RUNX1: variants seen among roughly 807,000 people sequenced by gnomAD.
RUNX1 encodes RUNX family transcription factor 1, also known as runt-related transcription factor 1.
Under a neutral mutation model 42.8 loss-of-function variants are expected in RUNX1, and 19 were observed. The observed-to-expected ratio is 0.44, with a 90% CI of 0.31 to 0.65. The LOEUF (loss-of-function observed/expected upper bound fraction) is 0.65, where lower values mean the gene tolerates loss of function less well. Among genes scored for constraint, RUNX1 ranks in the 30% least tolerant of loss-of-function variants. The probability of loss-of-function intolerance (pLI) is 0.07; values close to 1 mark genes in which losing one functional copy is unlikely to be tolerated. For synonymous variants in RUNX1, 271 were observed against 289.4 expected (o/e 0.94, Z 0.64); for missense variants, 528 against 672.0 (o/e 0.79, Z 2.37).
rs1306191380 is a variant in RUNX1 at position 34,901,844 on chromosome 21, A to G, written c.59-8881T>C. 6.6e-6 allele frequency among the ~76,000 whole-genome samples: 1 copy of G among 152,190 alleles called. No individual in the cohort carries two copies. The highest frequency in any genetic ancestry group is 1.5e-5 in the Non-Finnish European group (1 of 68,026). On this transcript the variant is annotated intron_variant, in intron 2 of 8. Transcript: ENST00000675419. This position sits in a 1 kb window ranked among gnomAD's most constrained non-coding sequence, Gnocchi z 4.3. ...GGGAGGGGAGTTTAGGGACTTGTCC[A>G]TGGCTTTCAGTTCCCTAATTGGCGA...
At chr21:34,947,495 C>T (rs189569040) in intron 2 of RUNX1, among the ~76,000 whole-genome samples, 42 of 152,238 alleles carry the variant, frequency 2.8e-4, no homozygotes, top group Admixed American at 2.7e-3. Flanking sequence ...TGTGAATATG[C>T]TACAACTTAA....
intron 2 of RUNX1, among the ~76,000 whole-genome samples, chr21:35,034,607 TGAG>T (rs2059294298): frequency 6.6e-6 from 1 of 152,188 alleles, no homozygotes; most frequent in African/African-American, 2.4e-5. Flanking sequence ...TGTGGCAACA[TGAG>T]GAGGGAAGGG....
intron 4 of RUNX1, among the ~76,000 whole-genome samples, chr21:34,885,781 G>C (rs980876672): frequency 1.3e-5 from 2 of 152,038 alleles, no homozygotes; most frequent in Non-Finnish European, 2.9e-5. Context: ...CTTTACACTT[G>C]GAACCACCTG....
At chr21:34,864,751 T>G (rs1202723484) in intron 5 of RUNX1, among the ~76,000 whole-genome samples, 1 of 152,202 alleles carries the variant, frequency 6.6e-6, no homozygotes, top group Non-Finnish European at 1.5e-5. Context: ...AGCCAGGGCT[T>G]GGGTTCCAGG....
chr21:34,888,440 C>T, intron 3 of RUNX1: 1 of 1,066,736 alleles, frequency 9.4e-7, no homozygotes, highest in Non-Finnish European at 1.1e-6. Context: ...AGTTCGCAGC[C>T]AGGAAAGAAG....
chr21:35,040,225 G>A (rs973820835), intron 2 of RUNX1, among the ~76,000 whole-genome samples: 1 of 152,194 alleles, frequency 6.6e-6, no homozygotes, highest in Admixed American at 6.5e-5. Context: ...AGTGCACAGA[G>A]TTCAAAGTGC....
intron 5 of RUNX1, among the ~76,000 whole-genome samples, chr21:34,871,832 C>T (rs368736173): frequency 1.4e-5 from 2 of 147,894 alleles, no homozygotes; most frequent in South Asian, 2.1e-4. Context: ...CACACCAAGA[C>T]CTTGCTTTTA....
intron 2 of RUNX1, among the ~76,000 whole-genome samples, chr21:35,044,529 G>T (rs1467394100): frequency 6.6e-6 from 1 of 152,152 alleles, no homozygotes; most frequent in Non-Finnish European, 1.5e-5. Flanking sequence ...GGAAACTAAG[G>T]CTCAAGAGAG....
chr21:34,883,530 T>G (rs2057937091), intron 4 of RUNX1, among the ~76,000 whole-genome samples: 1 of 152,072 alleles, frequency 6.6e-6, no homozygotes, highest in Non-Finnish European at 1.5e-5. Flanking sequence ...AATATCTAAC[T>G]TCAAACAGAA....
Position 34,898,288 on chromosome 21 carries a change from G to A in RUNX1, c.59-5325C>T, listed in dbSNP as rs774689591. On this transcript the variant is annotated intron_variant, in intron 2 of 8. Coordinates refer to ENST00000675419, the MANE Select transcript of RUNX1 (RefSeq NM_001754.5). ...TCTAGTACAGCACCACCAGATTTCC[G>A]ACCTGCAGAACTGTGGGCTAAATTT... is the stretch of plus-strand genomic sequence containing the variant. 2.5e-4 allele frequency among the ~76,000 whole-genome samples: 38 copies of A among 152,130 alleles called. 1 individual carries two copies. Among genetic ancestry groups the A allele is most frequent in the Admixed American group, 1.9e-3 (29 of 15,272 alleles).
chr21:34,835,390 C>T (rs1410565543), intron 6 of RUNX1, among the ~76,000 whole-genome samples: 1 of 152,012 alleles, frequency 6.6e-6, no homozygotes, highest in Non-Finnish European at 1.5e-5. Context: ...GGGCTCAGGA[C>T]TGGTGGGATG....
At position 34,916,825 on chromosome 21, in the gene RUNX1, G is replaced by A. The variant is rs577011919; in HGVS notation, c.59-23862C>T. 1.3e-4 allele frequency among the ~76,000 whole-genome samples: 20 copies of A among 152,248 alleles called. No homozygotes were observed. In the South Asian group the frequency reaches 2.3e-3, roughly 17 times the overall value. The stretch of plus-strand genomic sequence containing the variant: ...GGAAGGGAGGCCAGCCCTGGGTCGC[G>A]GCGGCATTTTCTGAGCTGCCAGGTC... On this transcript the variant is annotated intron_variant, in intron 2 of 8. Transcript: ENST00000675419.
chr21:35,004,924 A>T (rs7282535), intron 2 of RUNX1, among the ~76,000 whole-genome samples: 18,043 of 152,118 alleles, frequency 0.12, 1,146 homozygotes, highest in Middle Eastern at 0.17. Context: ...TCTTATCAGC[A>T]GGGGACTTTG....
intron 2 of RUNX1, among the ~76,000 whole-genome samples, chr21:35,015,400 G>A (rs2059152336): frequency 6.6e-6 from 1 of 152,212 alleles, no homozygotes; most frequent in Non-Finnish European, 1.5e-5. Context: ...AGAAGCTCTT[G>A]AGCATATTTA....
At chr21:34,805,034 T>TGAGCCACC (rs1168141039) in intron 7 of RUNX1, among the ~76,000 whole-genome samples, 8 of 152,168 alleles carry the variant, frequency 5.3e-5, no homozygotes, top group African/African-American at 1.9e-4. Flanking sequence ...ATTACAGGCA[T>TGAGCCACC]GAGCCACCGT....
At chr21:34,969,135 G>A (rs1303049419) in intron 2 of RUNX1, among the ~76,000 whole-genome samples, 6 of 152,150 alleles carry the variant, frequency 3.9e-5, no homozygotes, top group Non-Finnish European at 7.3e-5. Flanking sequence ...AAACCGGGGC[G>A]ACTACGATGA....
chr21:35,037,401 C>T (rs538046477), intron 2 of RUNX1, among the ~76,000 whole-genome samples: 1 of 152,326 alleles, frequency 6.6e-6, no homozygotes, highest in Admixed American at 6.5e-5. Context: ...GCCATAAAGC[C>T]ACCAAATGCA....
At position 34,959,219 on chromosome 21, in the gene RUNX1, C is replaced by CA. The variant is rs199674526; in HGVS notation, c.59-66257dup. Reference sequence around the variant, plus strand: ...GTATAATAATAAAAAAAGACATATCCAAAAAAAAAAAGACTCAATGTTTTT... The same window carrying CA: ...GTATAATAATAAAAAAAGACATATCCAAAAAAAAAAAAGACTCAATGTTTTT... On this transcript the variant is annotated intron_variant, in intron 2 of 8. Coordinates refer to ENST00000675419, the MANE Select transcript of RUNX1 (RefSeq NM_001754.5). Among the ~76,000 whole-genome samples, 179 of 143,686 alleles carry CA rather than the reference C, an allele frequency of 1.2e-3. 1 individual carries two copies. Among genetic ancestry groups the CA allele is most frequent in the Admixed American group, 3.6e-3 (52 of 14,486 alleles). The allele number at this position is 143,686 out of a possible 152,430, so 94.3% of individuals were successfully genotyped here. A position where few individuals can be genotyped will look rare whatever the true frequency, so the allele number is the denominator to read the frequency against.
At chr21:35,005,990 C>A (rs756145544) in intron 2 of RUNX1, among the ~76,000 whole-genome samples, 3 of 152,196 alleles carry the variant, frequency 2.0e-5, no homozygotes, top group Non-Finnish European at 4.4e-5. Context: ...GTCTTCACAG[C>A]TGGGAAGCAT....
Sources: allele counts gnomAD v4.1 joint callset (sites outside exome capture counted in the v4.1 genomes callset), GRCh38; gene constraint gnomAD v4.1.1; non-coding constraint Gnocchi (gnomAD v3.1); transcripts MANE v1.5; gene names NCBI Gene and HGNC (gene_info 2026-07-23, HGNC 2026-07-21).